TNFAIP8L3: variants seen among roughly 807,000 people sequenced by gnomAD.
The protein encoded by TNFAIP8L3 is TNF alpha induced protein 8 like 3, also known as tumor necrosis factor alpha-induced protein 8-like protein 3.
In TNFAIP8L3, 7 loss-of-function variants were observed where a neutral mutation model predicts 11.8. The observed-to-expected ratio is 0.59, with a 90% CI of 0.34 to 1.11. The LOEUF is 1.11. Ranked by LOEUF, TNFAIP8L3 falls within the 50% of genes most tolerant of loss-of-function variation. The pLI is 0.03. For synonymous variants in TNFAIP8L3, 98 were observed against 103.8 expected (o/e 0.94, Z 0.34); for missense variants, 219 against 258.6 (o/e 0.85, Z 1.05).
At chr15:51,103,895 G>A (rs2065570886) in intron 1 of TNFAIP8L3, among the ~76,000 whole-genome samples, 2 of 145,938 alleles carry the variant, frequency 1.4e-5, no homozygotes, top group African/African-American at 5.1e-5. Flanking sequence ...CTTAGTATAG[G>A]TGATATTGCT....
upstream of TNFAIP8L3, among the ~76,000 whole-genome samples, chr15:51,096,891 CAAAAAAAAAA>C (rs56057102): frequency 1.0e-5 from 1 of 98,280 alleles, no homozygotes; most frequent in Non-Finnish European, 2.1e-5. Context: ...CACGCTGTCT[CAAAAAAAAAA>C]AAAAAAAAAA....
intron 1 of TNFAIP8L3, among the ~76,000 whole-genome samples, chr15:51,088,302 T>G (rs2065444106): frequency 6.6e-6 from 1 of 152,042 alleles, no homozygotes; most frequent in Admixed American, 6.6e-5. Flanking sequence ...ATGAGAAAAA[T>G]AACATAGGAA....
At position 51,094,818 on chromosome 15, in the gene TNFAIP8L3, G is replaced by T; in HGVS notation, c.-223C>A. ...CCGCCGGCCGGTGCCTGCGCGCGAG[G>T]CGAGCGCAGGGCGGAGGGTGGGGCG... On this transcript the variant is annotated 5_prime_UTR_variant, in exon 1 of 2. Transcript: ENST00000637513. This position sits in a 1 kb window ranked among gnomAD's most constrained non-coding sequence, Gnocchi z 4.4. The T allele has an allele frequency of 3.6e-6, 2 of 556,014 alleles. No homozygotes were observed. The highest frequency in any genetic ancestry group is 2.1e-5 in the African/African-American group (1 of 48,520). 34.4% of individuals were successfully genotyped at this position (556,014 alleles called of 1,614,324 possible).
chr15:51,095,292 G>A (rs1177058600), upstream of TNFAIP8L3, among the ~76,000 whole-genome samples: 5 of 151,368 alleles, frequency 3.3e-5, no homozygotes, highest in Non-Finnish European at 5.9e-5. Context: ...GGCGGGGTGG[G>A]GGGAGATGAC....
chr15:51,101,563 G>T (rs1388613202), intron 1 of TNFAIP8L3, among the ~76,000 whole-genome samples: 1 of 151,656 alleles, frequency 6.6e-6, no homozygotes, highest in Admixed American at 6.6e-5. Flanking sequence ...TGAGGTTGCA[G>T]TTAGCTGAGA....
chr15:51,084,702 G>A (rs1339364074), intron 1 of TNFAIP8L3, among the ~76,000 whole-genome samples: 1 of 152,182 alleles, frequency 6.6e-6, no homozygotes, highest in Non-Finnish European at 1.5e-5. Context: ...CCTGGAGTGG[G>A]TGTGTTGGGG....
chr15:51,094,895 C>G lies in TNFAIP8L3; in HGVS notation c.-300G>C, dbSNP rs113009206. ...GGGGAGGCGCGAGCGCCGAGGAGCC[C>G]GAGCGTCCGGCGCCCGGCGGGCTCC... On this transcript the variant is annotated 5_prime_UTR_variant, in exon 1 of 2. Transcript: ENST00000637513. The surrounding 1 kb of genome is among the most constrained non-coding windows in gnomAD (Gnocchi z 4.4). 0.21 allele frequency among the ~76,000 whole-genome samples: 31,914 copies of G among 151,114 alleles called. 3,506 individuals carry two copies. The highest frequency in any genetic ancestry group is 0.4 in the East Asian group (2,035 of 5,072).
intron 1 of TNFAIP8L3, among the ~76,000 whole-genome samples, chr15:51,061,203 A>G (rs1186416112): frequency 6.6e-6 from 1 of 152,162 alleles, no homozygotes; most frequent in Non-Finnish European, 1.5e-5. Flanking sequence ...GGGTCTCACT[A>G]TGGTGGCCTC....
intron 1 of TNFAIP8L3, among the ~76,000 whole-genome samples, chr15:51,063,865 A>G (rs983662643): frequency 6.6e-6 from 1 of 152,248 alleles, no homozygotes; most frequent in African/African-American, 2.4e-5. Context: ...AGGTAGGGAC[A>G]GCTATGACGT....
chr15:51,088,280 G>A (rs56369578), intron 1 of TNFAIP8L3, among the ~76,000 whole-genome samples: 7,480 of 152,092 alleles, frequency 0.049, 339 homozygotes, highest in Admixed American at 0.15. Flanking sequence ...AAAGGCAAGT[G>A]CTGTATTTTT....
In TNFAIP8L3 at chr15:51,094,066, T is replaced by C. The variant is rs562087189; in HGVS notation, c.52+478A>G. ...CCTCGGGAACCGCGGCCGCAAGCTG[T>C]GGTTTGACCCCTGCCCCAACCACTC... On this transcript the variant is annotated intron_variant, in intron 1 of 1. Coordinates refer to ENST00000637513, the MANE Select transcript of TNFAIP8L3 (RefSeq NM_001311175.2). This position sits in a 1 kb window ranked among gnomAD's most constrained non-coding sequence, Gnocchi z 4.4. 2.0e-5 allele frequency among the ~76,000 whole-genome samples: 3 copies of C among 152,214 alleles called. No homozygotes were observed. Among genetic ancestry groups the C allele is most frequent in the African/African-American group, 7.2e-5 (3 of 41,548 alleles).
chr15:51,093,158 A>G (rs577738192), intron 1 of TNFAIP8L3, among the ~76,000 whole-genome samples: 37 of 152,376 alleles, frequency 2.4e-4, no homozygotes, highest in African/African-American at 8.9e-4. Context: ...GCTCATGTTT[A>G]TGAATTATAT....
chr15:51,082,356 A>T (rs1331388006), intron 1 of TNFAIP8L3, among the ~76,000 whole-genome samples: 4 of 152,216 alleles, frequency 2.6e-5, no homozygotes, highest in African/African-American at 9.6e-5. Context: ...GTAAAAATGC[A>T]GTATAAAAGA....
At chr15:51,083,373 G>A (rs1048975331) in intron 1 of TNFAIP8L3, among the ~76,000 whole-genome samples, 5 of 152,224 alleles carry the variant, frequency 3.3e-5, no homozygotes, top group East Asian at 3.9e-4. Flanking sequence ...TTTAAATGTC[G>A]TTGTATCCCC....
intron 1 of TNFAIP8L3, among the ~76,000 whole-genome samples, chr15:51,103,816 C>T (rs926984716): frequency 7.2e-5 from 11 of 152,330 alleles, no homozygotes; most frequent in African/African-American, 2.4e-4. Context: ...TGATGAAATT[C>T]GTAAGTCCAA....
chr15:51,060,219 C>CTT (rs2140962390), intron 1 of TNFAIP8L3, among the ~76,000 whole-genome samples: 1 of 152,322 alleles, frequency 6.6e-6, no homozygotes, highest in South Asian at 2.1e-4. Context: ...GTGTGAATAG[C>CTT]TTTTGTTCTC....
chr15:51,099,429 G>A (rs1345261388), upstream of TNFAIP8L3, among the ~76,000 whole-genome samples: 1 of 152,142 alleles, frequency 6.6e-6, no homozygotes, highest in Non-Finnish European at 1.5e-5. Flanking sequence ...TACAAAGGGA[G>A]AGGGAAATTG....
chr15:51,105,200 G>A (rs1338709792), exon 1 of TNFAIP8L3: 1 of 1,610,712 alleles, frequency 6.2e-7, no homozygotes, highest in African/African-American at 1.3e-5. Flanking sequence ...TCCTTCTTGG[G>A]ACAGTAGCCC....
chr15:51,068,019 C>T (rs1462171787), intron 1 of TNFAIP8L3, among the ~76,000 whole-genome samples: 1 of 152,174 alleles, frequency 6.6e-6, no homozygotes, highest in Non-Finnish European at 1.5e-5. Context: ...CTTTTACTTG[C>T]CTTGAGATAT....
Sources: gnomAD v4.1 joint callset for allele counts (sites outside exome capture counted in the v4.1 genomes callset) on GRCh38, gnomAD v4.1.1 for gene constraint, Gnocchi (gnomAD v3.1) non-coding constraint, MANE v1.5 for transcripts, NCBI Gene and HGNC (gene_info 2026-07-23, HGNC 2026-07-21) for gene names.